ABCD2: variants seen among roughly 807,000 people sequenced by gnomAD.
ABCD2 encodes the protein ATP-binding cassette sub-family D member 2.
Under a neutral mutation model 70.9 loss-of-function variants are expected in ABCD2, and 36 were observed. The observed-to-expected ratio is 0.51, with a 90% CI of 0.39 to 0.67. ABCD2 has a LOEUF of 0.67. Among genes scored for constraint, ABCD2 ranks in the 30% least tolerant of loss-of-function variants. The pLI is 0.00. For missense variants in ABCD2, 729 were observed against 890.2 expected (o/e 0.82, Z 2.30); for synonymous variants, 304 against 306.9 (o/e 0.99, Z 0.10).
At chr12:39,601,673 G>A (rs1400193210) in intron 5 of ABCD2, among the ~76,000 whole-genome samples, 7 of 152,052 alleles carry the variant, frequency 4.6e-5, no homozygotes, top group Non-Finnish European at 8.8e-5. Context: ...TTTACAGGAT[G>A]TCTGTAGATC....
At chr12:39,579,718 A>T (rs1941570803) in intron 7 of ABCD2, 99 bp from the exon 8 acceptor site, 2 of 895,342 alleles carry the variant, frequency 2.2e-6, no homozygotes. Context: ...CAAATTGTCA[A>T]CATGAAGAAC....
intron 2 of ABCD2, among the ~76,000 whole-genome samples, chr12:39,608,315 G>A (rs2120752255): frequency 6.6e-6 from 1 of 152,254 alleles, no homozygotes; most frequent in Middle Eastern, 3.4e-3. Context: ...TAAATCAAAA[G>A]GAACTAAAAC....
At chr12:39,599,244 A>G (rs1398492939) in intron 6 of ABCD2, among the ~76,000 whole-genome samples, 1 of 152,202 alleles carries the variant, frequency 6.6e-6, no homozygotes, top group African/African-American at 2.4e-5. Context: ...ATATTCAACA[A>G]CTGTAGCTAA....
chr12:39,572,669 G>C (rs977725547), intron 9 of ABCD2, among the ~76,000 whole-genome samples: 44 of 152,088 alleles, frequency 2.9e-4, no homozygotes, highest in African/African-American at 1.1e-3. Flanking sequence ...AGGTCTAGAA[G>C]GGCTTCAAGG....
intron 9 of ABCD2, among the ~76,000 whole-genome samples, chr12:39,558,600 A>C (rs192428962): frequency 7.2e-4 from 109 of 152,280 alleles, no homozygotes; most frequent in Non-Finnish European, 6.9e-4. Flanking sequence ...TGATGGTATT[A>C]TAAGTGTTTT....
intron 5 of ABCD2, among the ~76,000 whole-genome samples, chr12:39,601,824 GT>G (rs1941901224): frequency 6.6e-6 from 1 of 151,996 alleles, no homozygotes; most frequent in Non-Finnish European, 1.5e-5. Context: ...AAATTAATTT[GT>G]TATCTGCCTG....
At position 39,586,271 on chromosome 12, in the gene ABCD2, C is replaced by T. The variant is rs772732463; in HGVS notation, c.1673G>A (p.Arg558Gln). Residue 558 changes from arginine to glutamine, a missense_variant, in exon 7 of 10, where the codon CGG (arginine) becomes CAG (glutamine). Coordinates refer to ENST00000308666, the MANE Select transcript of ABCD2 (RefSeq NM_005164.4). ...TGAATCAGGGTAAATGACTTGATCC[C>T]GAAGACTTCCAAGAGACATATATGG... The part of the protein sequence containing the change: ...QRPYMSLGSL[R>Q]DQVIYPDSVD... The T allele has an allele frequency of 9.3e-6, 15 of 1,612,570 alleles. No homozygotes were observed. Among genetic ancestry groups the T allele is most frequent in the Admixed American group, 5.0e-5 (3 of 59,862 alleles).
chr12:39,581,401 C>G (rs1941593622), intron 7 of ABCD2, among the ~76,000 whole-genome samples: 1 of 152,128 alleles, frequency 6.6e-6, no homozygotes, highest in South Asian at 2.1e-4. Context: ...AATCACTGTT[C>G]ATTTTCTTGG....
At chr12:39,539,135 A>G in the ABCD2 span, among the ~76,000 whole-genome samples, 1 of 152,250 alleles carries the variant, frequency 6.6e-6, no homozygotes, top group African/African-American at 2.4e-5. Context: ...TTAATAAGAA[A>G]TTAGACATAC....
intron 5 of ABCD2, among the ~76,000 whole-genome samples, chr12:39,603,178 CAT>C (rs1333967806): frequency 2.0e-5 from 3 of 152,086 alleles, no homozygotes; most frequent in Non-Finnish European, 4.4e-5. Flanking sequence ...CATTAATTAG[CAT>C]ATGTGTTATC....
At chr12:39,547,297 CAAAT>C (rs1941034542), downstream of ABCD2, among the ~76,000 whole-genome samples, 1 of 151,930 alleles carries the variant, frequency 6.6e-6, no homozygotes, top group Non-Finnish European at 1.5e-5. Context: ...TACACACACA[CAAAT>C]AAAAACTCAG....
intron 9 of ABCD2, among the ~76,000 whole-genome samples, chr12:39,563,771 C>T (rs1019478213): frequency 3.3e-5 from 5 of 152,130 alleles, no homozygotes; most frequent in Non-Finnish European, 7.3e-5. Flanking sequence ...TGCTATCCCT[C>T]CACCCTCCCC....
In ABCD2 at chr12:39,613,842, C is replaced by T. The variant is rs561406869; in HGVS notation, c.1120+3146G>A. Among the ~76,000 whole-genome samples the T allele has an allele frequency of 7.2e-5, 11 of 152,274 alleles. No homozygotes were observed. In the South Asian group the frequency reaches 2.3e-3, roughly 32 times the overall value. The stretch of plus-strand genomic sequence containing the variant: ...TGTGAATTTGAATACAAACATAATC[C>T]TGTCTTTACCATAAGATTTCACTTA... On this transcript the variant is annotated intron_variant, in intron 2 of 9. Transcript: ENST00000308666.
chr12:39,557,727 G>A (rs758551754), intron 9 of ABCD2, among the ~76,000 whole-genome samples: 12 of 152,192 alleles, frequency 7.9e-5, no homozygotes, highest in Non-Finnish European at 1.5e-4. Flanking sequence ...CCAAGGTACA[G>A]CTCAGGCCAT....
intron 9 of ABCD2, among the ~76,000 whole-genome samples, chr12:39,568,121 G>A (rs1053543428): frequency 6.6e-6 from 1 of 151,914 alleles, no homozygotes; most frequent in African/African-American, 2.4e-5. Flanking sequence ...TGCTCTTCTT[G>A]AGGAGTATCT....
intron 9 of ABCD2, among the ~76,000 whole-genome samples, chr12:39,566,694 G>T (rs1337064963): frequency 3.3e-5 from 5 of 152,004 alleles, no homozygotes; most frequent in African/African-American, 4.8e-5. Context: ...GTTTGCTCTT[G>T]CTCCTCTATT....
chr12:39,587,513 C>T (rs898759139), intron 6 of ABCD2, among the ~76,000 whole-genome samples: 1 of 152,106 alleles, frequency 6.6e-6, no homozygotes, highest in Non-Finnish European at 1.5e-5. Context: ...ACAAAATCTT[C>T]CCGGTTGAGA....
chr12:39,597,819 G>A (rs1297777639), intron 6 of ABCD2, among the ~76,000 whole-genome samples: 2 of 152,080 alleles, frequency 1.3e-5, no homozygotes, highest in Non-Finnish European at 2.9e-5. Context: ...AATAAAGATA[G>A]GATAAAGGGA....
the ABCD2 span, among the ~76,000 whole-genome samples, chr12:39,540,990 T>C: frequency 6.6e-6 from 1 of 151,570 alleles, no homozygotes; most frequent in African/African-American, 2.4e-5. Context: ...ATAAATGTCT[T>C]CAAATATTTT....
Sources: gnomAD v4.1 joint callset for allele counts (sites outside exome capture counted in the v4.1 genomes callset) on GRCh38, gnomAD v4.1.1 for gene constraint, MANE v1.5 for transcripts, NCBI Gene and HGNC (gene_info 2026-07-23, HGNC 2026-07-21) for gene names.